LAMC2: variants seen among roughly 807,000 people sequenced by gnomAD.
LAMC2 encodes the protein laminin subunit gamma 2.
LAMC2 carries 97 observed loss-of-function variants against 140.2 expected under a neutral mutation model. The ratio of observed to expected loss-of-function variants is 0.69; its 90% confidence interval spans 0.59 to 0.82. The LOEUF is 0.82. Among genes scored for constraint, LAMC2 ranks in the 40% least tolerant of loss-of-function variants. The pLI, the probability that LAMC2 is intolerant of heterozygous loss-of-function variation, is 0.00. For synonymous variants in LAMC2, 513 were observed against 540.2 expected, an observed-to-expected ratio of 0.95 and a Z score of 0.70; for missense variants, 1,402 against 1,476.1, an observed-to-expected ratio of 0.95 and a Z score of 0.82.
intron 4 of LAMC2, 92 bp from the exon 5 acceptor site, chr1:183,220,733 A>C: frequency 3.8e-6 from 5 of 1,303,194 alleles, no homozygotes; most frequent in Non-Finnish European, 5.4e-6. Context: ...GCCAAATGGA[A>C]GAGAAGGTAG....
chr1:183,225,864 T>G, intron 8 of LAMC2, 144 bp downstream of exon 8: 1 of 649,326 alleles, frequency 1.5e-6, no homozygotes, highest in Non-Finnish European at 2.8e-6. Context: ...ATCTGAATTT[T>G]TATATTCTAG....
chr1:183,239,377 G>A lies in LAMC2; in HGVS notation c.2883G>A (p.Gln961=), dbSNP rs767365876. 1.9e-6 allele frequency: 3 copies of A among 1,614,144 alleles called. No homozygotes were observed. The highest frequency in any genetic ancestry group is 2.2e-5 in the South Asian group (2 of 91,078). Residue 961 remains glutamine (Q), a synonymous_variant, in exon 20 of 23, where the codon CAG becomes CAA. Transcript: ENST00000264144. ...TCTTCATTTCAGAGTTTGACCTGCA[G>A]GTGGACAACAGAAAAGCAGAAGCTG... ...ILKNLREFDL[Q]VDNRKAEAEE...
the LAMC2 span, among the ~76,000 whole-genome samples, chr1:183,256,421 A>T: frequency 3.2e-4 from 48 of 152,282 alleles, no homozygotes; most frequent in African/African-American, 1.1e-3. Context: ...AAAAAATAAT[A>T]AAAAAATTAA....
At chr1:183,222,298 C>T in intron 6 of LAMC2, 87 bp downstream of exon 6, 1 of 1,468,706 alleles carries the variant, frequency 6.8e-7, no homozygotes, top group East Asian at 2.3e-5. Flanking sequence ...ATTGTGGAAA[C>T]CATATAACTT....
chr1:183,234,391 G>A lies in LAMC2; in HGVS notation c.2245G>A (p.Val749Met), dbSNP rs1299162629. The part of the protein sequence containing the change: ...NTNIPASDHY[V>M]GPNGFKSLAQ... Reference sequence around the variant, plus strand: ...GAACATTCCTGCCTCAGACCACTACGTGGGGCCAAATGGCTTTAAAAGTCT... The same window carrying A: ...GAACATTCCTGCCTCAGACCACTACATGGGGCCAAATGGCTTTAAAAGTCT... The change falls in exon 15 of 23, where the codon GTG becomes ATG. Residue 749 changes from valine to methionine, a missense_variant. By Grantham distance (21) the Val-to-Met change is conservative. Transcript: ENST00000264144. The A allele has an allele frequency of 6.2e-7, 1 of 1,614,080 alleles. No individual in the cohort carries two copies. Among genetic ancestry groups the A allele is most frequent in the Middle Eastern group, 1.6e-4 (1 of 6,062 alleles).
chr1:183,235,430 T>G (rs769053384), intron 15 of LAMC2, 145 bp from the exon 16 acceptor site: 8 of 869,066 alleles, frequency 9.2e-6, no homozygotes, highest in Non-Finnish European at 1.5e-5. Flanking sequence ...TGACAGCACC[T>G]CTAATTCCAT....
Position 183,225,737 on chromosome 1 carries a change from A to C in LAMC2, c.1066+17A>C, listed in dbSNP as rs375258418. 3.3e-6 allele frequency: 5 copies of C among 1,523,590 alleles called. No individual in the cohort carries two copies. The African/African-American group carries it at 6.8e-5, about 21-fold the overall frequency. 94.4% of individuals were successfully genotyped at this position (1,523,590 alleles called of 1,614,324 possible). ...GAGAATACAGTAAGTGGCTACGAGA[A>C]ATTAATTTCTTTCTTCTTAGGTGTT... is the stretch of plus-strand genomic sequence containing the variant. On this transcript the variant is annotated intron_variant, in intron 8 of 22. Transcript: ENST00000264144.
At chr1:183,225,388 A>G (rs1346580241) in intron 7 of LAMC2, among the ~76,000 whole-genome samples, 1 of 152,168 alleles carries the variant, frequency 6.6e-6, no homozygotes, top group Non-Finnish European at 1.5e-5. Context: ...GACTTCCCAC[A>G]CTGGGATGCC....
chr1:183,236,568 G>C lies in LAMC2; in HGVS notation c.2565G>C (p.Val855=), dbSNP rs765099891. The part of the protein sequence containing the change: ...YQHSLRLLDS[V]SRLQGVSDQS... Reference sequence around the variant, plus strand: ...ACAGTCTCCGCCTCCTGGATTCAGTGTCTCGGCTTCAGGGAGTCAGTGATC... The same window carrying C: ...ACAGTCTCCGCCTCCTGGATTCAGTCTCTCGGCTTCAGGGAGTCAGTGATC... Residue 855 remains valine, a synonymous_variant, in exon 17 of 23, where the codon GTG becomes GTC. Transcript: ENST00000264144. 6.2e-7 allele frequency: 1 copy of C among 1,614,148 alleles called. No individual in the cohort carries two copies. Among genetic ancestry groups the C allele is most frequent in the Non-Finnish European group, 8.5e-7 (1 of 1,180,024 alleles).
In LAMC2 at chr1:183,220,937, AAG is replaced by A; in HGVS notation, c.618_619del (p.Lys206AsnfsTer10). ...CAGCTCTGCAGAATACAGTGTCCATAAGATCACCTCTACCTTTCATCAAGGTA... is the reference window on the plus strand; with the variant it reads ...CAGCTCTGCAGAATACAGTGTCCATAATCACCTCTACCTTTCATCAAGGTA... Reference protein sequence around the residue: ...CRSSAEYSVHKITSTFHQDVD... With the variant: ...CRSSAEYSVHXITSTFHQDVD... On this transcript the variant is annotated frameshift_variant, in exon 5 of 23. Coordinates refer to ENST00000264144, the MANE Select transcript of LAMC2 (RefSeq NM_005562.3). LOFTEE classifies it high-confidence loss of function. The A allele has an allele frequency of 4.3e-6, 7 of 1,614,144 alleles. No homozygotes were observed. Among genetic ancestry groups the A allele is most frequent in the Non-Finnish European group, 4.2e-6 (5 of 1,180,006 alleles).
At chr1:183,225,073 A>T (rs1659586065) in intron 7 of LAMC2, among the ~76,000 whole-genome samples, 1 of 152,234 alleles carries the variant, frequency 6.6e-6, no homozygotes, top group African/African-American at 2.4e-5. Flanking sequence ...AAAACAAAAC[A>T]AAATTTAGAA....
At chr1:183,230,335 G>A (rs567448346) in intron 11 of LAMC2, among the ~76,000 whole-genome samples, 1 of 152,318 alleles carries the variant, frequency 6.6e-6, no homozygotes, top group East Asian at 1.9e-4. Flanking sequence ...CGTAATCAGC[G>A]TTTTGTGAGC....
chr1:183,240,444 T>C, intron 22 of LAMC2, 53 bp downstream of exon 22: 1 of 1,608,210 alleles, frequency 6.2e-7, no homozygotes, highest in Non-Finnish European at 8.5e-7. Context: ...AGGGCTTTGC[T>C]CCAGAACACT....
At chr1:183,255,988 T>G in the LAMC2 span, among the ~76,000 whole-genome samples, 5 of 152,158 alleles carry the variant, frequency 3.3e-5, no homozygotes, top group Admixed American at 1.3e-4. Flanking sequence ...GATAGTACTT[T>G]CAGTACTTTG....
Position 183,220,818 on chromosome 1 carries a change from A to T in LAMC2, c.504-7A>T. The T allele has an allele frequency of 3.1e-6, 5 of 1,613,416 alleles. No homozygotes were observed. The highest frequency in any genetic ancestry group is 4.2e-6 in the Non-Finnish European group (5 of 1,179,322). On this transcript the variant is annotated splice_region_variant and splice_polypyrimidine_tract_variant and intron_variant, in intron 4 of 22. Coordinates refer to ENST00000264144, the MANE Select transcript of LAMC2 (RefSeq NM_005562.3). The stretch of plus-strand genomic sequence containing the variant: ...ATAATATCCTGATTTCTACAATGCC[A>T]CTGCAGGTGTCGATCAGGTTACTAT...
chr1:183,190,510 C>G (rs1438379525), intron 1 of LAMC2, among the ~76,000 whole-genome samples: 1 of 151,870 alleles, frequency 6.6e-6, no homozygotes, highest in Non-Finnish European at 1.5e-5. Context: ...TCCACCAGAC[C>G]TCATCACACA....
Position 183,236,338 on chromosome 1 carries a change from G to C in LAMC2, c.2457-122G>C, listed in dbSNP as rs969160377. ...TGGGAGGATGAGGCTATAGTGAGCTGTGATCACGCCACTGCACTCCAGCCT... is the reference window on the plus strand; with the variant it reads ...TGGGAGGATGAGGCTATAGTGAGCTCTGATCACGCCACTGCACTCCAGCCT... On this transcript the variant is annotated intron_variant, in intron 16 of 22. Transcript: ENST00000264144. 9.1e-5 allele frequency: 82 copies of C among 901,228 alleles called. 2 individuals are homozygous for C. In the South Asian group the frequency reaches 1.2e-3, roughly 13 times the overall value. The allele number at this position is 901,228 out of a possible 1,614,324, so 55.8% of individuals were successfully genotyped here. A position where few individuals can be genotyped will look rare whatever the true frequency, so the allele number is the denominator to read the frequency against.
intron 14 of LAMC2, 75 bp downstream of exon 14, chr1:183,232,932 A>G: frequency 1.4e-6 from 2 of 1,387,608 alleles, no homozygotes; most frequent in South Asian, 1.2e-5. Context: ...CACTGACTCA[A>G]TTTCTGTCTC....
intron 1 of LAMC2, among the ~76,000 whole-genome samples, chr1:183,200,607 T>G (rs1036181646): frequency 4.6e-5 from 7 of 152,202 alleles, no homozygotes; most frequent in African/African-American, 1.7e-4. Context: ...TTTCCTTTTA[T>G]TCTCCTAAGG....
Sources: gnomAD v4.1 joint callset for allele counts (sites outside exome capture counted in the v4.1 genomes callset) on GRCh38, gnomAD v4.1.1 for gene constraint, MANE v1.5 for transcripts, NCBI Gene and HGNC (gene_info 2026-07-23, HGNC 2026-07-21) for gene names.